XDH: variants seen among roughly 807,000 people sequenced by gnomAD.
XDH encodes the protein xanthine dehydrogenase.
Under a neutral mutation model 156.1 loss-of-function variants are expected in XDH, and 138 were observed. The ratio of observed to expected loss-of-function variants is 0.88; its 90% confidence interval spans 0.77 to 1.02. XDH has a LOEUF of 1.02. Ranked by LOEUF, XDH falls within the 50% of genes least tolerant of loss-of-function variation. XDH has a pLI of 0.00. For synonymous variants in XDH, 669 were observed against 625.7 expected, an observed-to-expected ratio of 1.07 and a Z score of -1.03; for missense variants, 1,849 against 1,684.9, an observed-to-expected ratio of 1.10 and a Z score of -1.71.
chr2:31,380,116 G>T, intron 12 of XDH, 140 bp from the exon 13 acceptor site: 1 of 802,680 alleles, frequency 1.2e-6, no homozygotes, highest in South Asian at 1.4e-5. Context: ...GGCACAATTG[G>T]GGCCAAATCC....
intron 33 of XDH, among the ~76,000 whole-genome samples, chr2:31,340,396 A>C (rs1685095357): frequency 1.3e-5 from 2 of 152,120 alleles, no homozygotes; most frequent in Non-Finnish European, 2.9e-5. Context: ...TACAATTTGT[A>C]TTTTCTACCA....
intron 3 of XDH, among the ~76,000 whole-genome samples, chr2:31,402,341 G>A (rs1347971804): frequency 6.6e-6 from 1 of 152,086 alleles, no homozygotes; most frequent in Admixed American, 6.5e-5. Context: ...CATTTCCCTG[G>A]TGGAGCTCCT....
chr2:31,365,932 C>A (rs774351084), intron 22 of XDH, 44 bp downstream of exon 22: 30 of 1,613,690 alleles, frequency 1.9e-5, no homozygotes, highest in Non-Finnish European at 2.5e-5. Flanking sequence ...CAGCCTTATT[C>A]TTCTTCCCAG....
At chr2:31,341,784 G>C (rs45456894) in intron 32 of XDH, among the ~76,000 whole-genome samples, 1 of 152,094 alleles carries the variant, frequency 6.6e-6, no homozygotes, top group African/African-American at 2.4e-5. Context: ...CCCTGTTTTC[G>C]TGGGGCCTGT....
At chr2:31,368,841 G>A (rs1405143247) in intron 18 of XDH, among the ~76,000 whole-genome samples, 181 bp from the exon 19 acceptor site, 1 of 152,158 alleles carries the variant, frequency 6.6e-6, no homozygotes, top group Non-Finnish European at 1.5e-5. Flanking sequence ...GATCAAGATG[G>A]CAAACACATT....
intron 19 of XDH, 106 bp from the exon 20 acceptor site, chr2:31,368,163 C>T (rs780310893): frequency 7.8e-6 from 8 of 1,028,658 alleles, no homozygotes; most frequent in Non-Finnish European, 1.2e-5. Context: ...TCTCTCTTTC[C>T]ATAAATGAAT....
chr2:31,401,145 T>C, intron 4 of XDH, 75 bp downstream of exon 4: 1 of 1,550,878 alleles, frequency 6.4e-7, no homozygotes, highest in South Asian at 1.1e-5. Context: ...AAAGCAAGTC[T>C]GCAACTTTGG....
chr2:31,343,310 A>ACATATATATATATATGCATGTT (rs1553411659), intron 31 of XDH, among the ~76,000 whole-genome samples: 2 of 102,230 alleles, frequency 2.0e-5, no homozygotes, highest in Admixed American at 9.0e-5. Flanking sequence ...ATATATATAT[A>ACATATATATATATATGCATGTT]TATATATATA....
At chr2:31,375,614 A>G in intron 14 of XDH, 60 bp from the exon 15 acceptor site, 1 of 1,579,070 alleles carries the variant, frequency 6.3e-7, no homozygotes, top group African/African-American at 1.4e-5. Flanking sequence ...CCCTTTGTGT[A>G]GAGCTGTGTG....
At chr2:31,397,810 G>A in intron 5 of XDH, 81 bp from the exon 6 acceptor site, 1 of 1,515,904 alleles carries the variant, frequency 6.6e-7, no homozygotes, top group Non-Finnish European at 9.2e-7. Context: ...TTGCAACTAA[G>A]TTGGGTGCTC....
intron 15 of XDH, 82 bp from the exon 16 acceptor site, chr2:31,374,038 A>T: frequency 7.5e-7 from 1 of 1,326,772 alleles, no homozygotes; most frequent in Non-Finnish European, 1.1e-6. Flanking sequence ...AAAATGACCA[A>T]ACTGATAACT....
chr2:31,387,963 T>C, intron 7 of XDH, 66 bp from the exon 8 acceptor site: 3 of 1,505,420 alleles, frequency 2.0e-6, no homozygotes, highest in Non-Finnish European at 1.8e-6. Flanking sequence ...AGAGGACCAA[T>C]TCAGCCTTTC....
intron 6 of XDH, among the ~76,000 whole-genome samples, chr2:31,390,139 C>A (rs530617331): frequency 6.6e-6 from 1 of 152,212 alleles, no homozygotes; most frequent in Admixed American, 6.5e-5. Context: ...AAGAGTTATA[C>A]TGCCCTAAAA....
At chr2:31,406,282 C>A (rs1687189839) in intron 1 of XDH, among the ~76,000 whole-genome samples, 1 of 152,180 alleles carries the variant, frequency 6.6e-6, no homozygotes, top group Admixed American at 6.5e-5. Context: ...CTTGCTCTTA[C>A]TGGCCATGTG....
chr2:31,348,259 G>A lies in XDH; in HGVS notation c.3147+9C>T. The A allele has an allele frequency of 6.2e-7, 1 of 1,613,448 alleles. No homozygotes were observed. Among genetic ancestry groups the A allele is most frequent in the Non-Finnish European group, 8.5e-7 (1 of 1,179,408 alleles). Reference sequence around the variant, plus strand: ...AACGGACACAACACTGCCAGAGAGGGCTGCTCACCTGGACCATTTTGGTAT... The same window carrying A: ...AACGGACACAACACTGCCAGAGAGGACTGCTCACCTGGACCATTTTGGTAT... On this transcript the variant is annotated intron_variant, in intron 28 of 35. Coordinates refer to ENST00000379416, the MANE Select transcript of XDH (RefSeq NM_000379.4).
At chr2:31,346,868 C>G (rs776933661) in intron 29 of XDH, 25 bp from the exon 30 acceptor site, 1 of 1,613,762 alleles carries the variant, frequency 6.2e-7, no homozygotes, top group South Asian at 1.1e-5. Flanking sequence ...CCCCACACCC[C>G]AGACACATCA....
In XDH at chr2:31,365,491, G is replaced by A. The variant is rs762324069; in HGVS notation, c.2510C>T (p.Thr837Ile). The change falls in exon 23 of 36, where the codon ACT (threonine) becomes ATT (isoleucine). Residue 837 changes from threonine to isoleucine, a missense_variant. Thr to Ile is a moderately conservative substitution (Grantham distance 89). Coordinates refer to ENST00000379416, the MANE Select transcript of XDH (RefSeq NM_000379.4). ...GGCCAGGAAGGGATGTCTGCCACCA[G>A]TTATCAGCATGTCCTCATCACGGTC... ...MLDRDEDMLI[T>I]GGRHPFLARY... The A allele has an allele frequency of 1.9e-6, 3 of 1,614,192 alleles. No individual in the cohort carries two copies. The South Asian group carries it at 3.3e-5, about 18-fold the overall frequency.
intron 22 of XDH, 90 bp from the exon 23 acceptor site, chr2:31,365,634 TC>T (rs1326654401): frequency 1.3e-6 from 2 of 1,482,238 alleles, no homozygotes; most frequent in African/African-American, 2.8e-5. Context: ...CGGGAAGCCA[TC>T]TTTTCCACCT....
Position 31,372,334 on chromosome 2 carries a change from C to T in XDH, c.1750G>A (p.Asp584Asn), listed in dbSNP as rs759036465. ...VGRPLPHLAA[D>N]MQASGEAVYC... The stretch of plus-strand genomic sequence containing the variant: ...ACGGCCTCACCAGAGGCCTGCATGT[C>T]CGCTGCCAGGTGGGGCAGGGGCCGG... The change falls in exon 17 of 36, where the codon GAC (aspartate) becomes AAC (asparagine). Residue 584 changes from aspartate to asparagine, a missense_variant. By Grantham distance (23) the Asp-to-Asn change is conservative. Coordinates refer to ENST00000379416, the MANE Select transcript of XDH (RefSeq NM_000379.4). 1.2e-6 allele frequency: 2 copies of T among 1,614,198 alleles called. No homozygotes were observed. The highest frequency in any genetic ancestry group is 2.2e-5 in the South Asian group (2 of 91,090).
Sources: allele counts gnomAD v4.1 joint callset (sites outside exome capture counted in the v4.1 genomes callset), GRCh38; gene constraint gnomAD v4.1.1; transcripts MANE v1.5; gene names NCBI Gene and HGNC (gene_info 2026-07-23, HGNC 2026-07-21).